The following CTNNA2 variants were observed in gnomAD, a reference collection of about 807,000 sequenced individuals.
CTNNA2 encodes catenin alpha 2, also known as catenin alpha-2.
A neutral mutation model predicts 101.0 loss-of-function variants in CTNNA2; 42 were observed. That is an observed-to-expected ratio of 0.42 (90% CI 0.32 to 0.54). The LOEUF (loss-of-function observed/expected upper bound fraction) is 0.54. Ranked by LOEUF, CTNNA2 falls within the 20% of genes least tolerant of loss-of-function variation. The pLI is 0.14. For missense variants in CTNNA2, 871 were observed against 1,223.1 expected, an observed-to-expected ratio of 0.71 and a Z score of 4.29; for synonymous variants, 450 against 456.4, an observed-to-expected ratio of 0.99 and a Z score of 0.18.
intron 9 of CTNNA2, among the ~76,000 whole-genome samples, chr2:80,510,376 A>C (rs1222588904): frequency 6.6e-6 from 1 of 152,138 alleles, no homozygotes; most frequent in Non-Finnish European, 1.5e-5. Flanking sequence ...TGTTACGTGA[A>C]GTCTCCTTAT....
chr2:80,572,009 A>G (rs942204879), intron 12 of CTNNA2, among the ~76,000 whole-genome samples: 1 of 152,136 alleles, frequency 6.6e-6, no homozygotes, highest in Non-Finnish European at 1.5e-5. Flanking sequence ...GCATTTCTTT[A>G]GAAGTTAATA....
intron 11 of CTNNA2, among the ~76,000 whole-genome samples, chr2:80,548,182 T>C (rs1230335923): frequency 1.3e-5 from 2 of 152,090 alleles, no homozygotes; most frequent in East Asian, 3.9e-4. Flanking sequence ...TGGTCAGTTT[T>C]TTTCCAGGAT....
intron 7 of CTNNA2, among the ~76,000 whole-genome samples, chr2:80,380,575 C>T (rs574508298): frequency 1.3e-4 from 20 of 152,146 alleles, no homozygotes; most frequent in Non-Finnish European, 2.8e-4. Flanking sequence ...GAGATATATG[C>T]GCAATCTGAA....
At chr2:79,707,677 G>T (rs536177258) in intron 2 of CTNNA2, among the ~76,000 whole-genome samples, 1 of 152,222 alleles carries the variant, frequency 6.6e-6, no homozygotes, top group East Asian at 1.9e-4. Flanking sequence ...CAGCACTCTC[G>T]TTAAGAAGCC....
At chr2:79,402,128 C>A (rs1178369665) in intron 4 of CTNNA2, among the ~76,000 whole-genome samples, 1 of 151,594 alleles carries the variant, frequency 6.6e-6, no homozygotes, top group Non-Finnish European at 1.5e-5. Flanking sequence ...AAACCTATAT[C>A]CACCTAGCAA....
intron 7 of CTNNA2, among the ~76,000 whole-genome samples, chr2:80,255,490 G>A (rs1672075051): frequency 6.6e-6 from 1 of 152,012 alleles, no homozygotes; most frequent in Admixed American, 6.6e-5. Flanking sequence ...ATTTTATAAT[G>A]CTGATTTCTT....
At chr2:80,489,226 G>C (rs1227009869) in intron 9 of CTNNA2, among the ~76,000 whole-genome samples, 2 of 152,142 alleles carry the variant, frequency 1.3e-5, no homozygotes, top group African/African-American at 4.8e-5. Flanking sequence ...TTTAAATCAT[G>C]TTCACAATGA....
chr2:79,939,954 T>A (rs1688041082), intron 7 of CTNNA2, among the ~76,000 whole-genome samples: 1 of 152,050 alleles, frequency 6.6e-6, no homozygotes, highest in Admixed American at 6.5e-5. Flanking sequence ...TAGCTGGGCG[T>A]GGTGGCATAT....
intron 7 of CTNNA2, among the ~76,000 whole-genome samples, chr2:80,160,730 G>GT (rs1315254684): frequency 3.3e-5 from 5 of 152,116 alleles, no homozygotes; most frequent in Non-Finnish European, 7.4e-5. Context: ...GCAATACATT[G>GT]TTTTTTTCTT....
intron 1 of CTNNA2, chr2:79,523,222 T>G (rs905796490): frequency 2.3e-6 from 1 of 444,206 alleles, no homozygotes; most frequent in Non-Finnish European, 4.5e-6. Flanking sequence ...AATGTCTGGG[T>G]TGATCTGCCT....
chr2:79,728,181 T>G (rs1686978033), intron 2 of CTNNA2, among the ~76,000 whole-genome samples: 1 of 152,182 alleles, frequency 6.6e-6, no homozygotes, highest in African/African-American at 2.4e-5. Context: ...TGAACTAGTT[T>G]ACAGTCCCAC....
chr2:79,314,941 A>T (rs1479499284), intron 3 of CTNNA2, among the ~76,000 whole-genome samples: 1 of 152,182 alleles, frequency 6.6e-6, no homozygotes, highest in Admixed American at 6.5e-5. Flanking sequence ...CAAAGGTTAT[A>T]ATAGGCTCAA....
chr2:79,780,314 C>T (rs1301007691), intron 3 of CTNNA2, among the ~76,000 whole-genome samples: 7 of 152,186 alleles, frequency 4.6e-5, no homozygotes. Context: ...AACCATTGAT[C>T]AGTCATATCT....
chr2:80,105,451 C>T (rs1435869348), intron 7 of CTNNA2, among the ~76,000 whole-genome samples: 1 of 152,286 alleles, frequency 6.6e-6, no homozygotes, highest in African/African-American at 2.4e-5. Flanking sequence ...TGGCTGAGTG[C>T]AGTAGCTCAC....
chr2:79,951,728 G>T (rs757228223), intron 7 of CTNNA2, among the ~76,000 whole-genome samples: 2 of 151,870 alleles, frequency 1.3e-5, no homozygotes, highest in African/African-American at 2.4e-5. Context: ...ACCCATAAAA[G>T]CATCTTTGTT....
chr2:79,784,084 G>C (rs1050699288), intron 3 of CTNNA2, among the ~76,000 whole-genome samples: 1 of 152,098 alleles, frequency 6.6e-6, no homozygotes, highest in Non-Finnish European at 1.5e-5. Context: ...ATATGGACAG[G>C]AATCTCACTT....
intron 7 of CTNNA2, among the ~76,000 whole-genome samples, chr2:80,085,627 G>T (rs1699392154): frequency 6.6e-6 from 1 of 151,930 alleles, no homozygotes; most frequent in South Asian, 2.1e-4. Context: ...AAATTTTAGA[G>T]GGATTTACTA....
intron 7 of CTNNA2, among the ~76,000 whole-genome samples, chr2:80,143,839 A>G (rs981221718): frequency 2.0e-5 from 3 of 152,176 alleles, no homozygotes; most frequent in Admixed American, 1.3e-4. Flanking sequence ...AGACCCAGTA[A>G]GTGTGACAAC....
At chr2:79,547,544 T>G (rs1201749966) in intron 1 of CTNNA2, 1 of 152,288 alleles carries the variant, frequency 6.6e-6, no homozygotes, top group East Asian at 1.9e-4. Flanking sequence ...GAAGTATTTT[T>G]TAGTCTTTGT....
Sources: allele counts gnomAD v4.1 joint callset (sites outside exome capture counted in the v4.1 genomes callset), GRCh38; gene constraint gnomAD v4.1.1; transcripts MANE v1.5; gene names NCBI Gene and HGNC (gene_info 2026-07-23, HGNC 2026-07-21).